Variants in SPMIP2 observed in about 807,000 individuals in gnomAD.
SPMIP2 encodes the protein protein SPMIP2.
the SPMIP2 span, among the ~76,000 whole-genome samples, chr4:159,008,790 A>G: frequency 6.6e-6 from 1 of 152,256 alleles, no homozygotes; most frequent in African/African-American, 2.4e-5. Flanking sequence ...TGTCTTTTAA[A>G]TCCAAGAATA....
At chr4:159,052,352 T>C in the SPMIP2 span, among the ~76,000 whole-genome samples, 1 of 151,810 alleles carries the variant, frequency 6.6e-6, no homozygotes, top group South Asian at 2.1e-4. Flanking sequence ...CCATGCTCCA[T>C]GAGTTAAGTA....
chr4:158,922,177 C>T, the SPMIP2 span, among the ~76,000 whole-genome samples: 5 of 152,236 alleles, frequency 3.3e-5, no homozygotes, highest in East Asian at 3.9e-4. Flanking sequence ...CGTGAGCCAC[C>T]GCGCCCAGCC....
At chr4:159,064,822 C>G in the SPMIP2 span, among the ~76,000 whole-genome samples, 1 of 152,108 alleles carries the variant, frequency 6.6e-6, no homozygotes. Context: ...CTGTCTTTCA[C>G]CTGTGAAGTT....
At chr4:159,002,602 T>C in the SPMIP2 span, among the ~76,000 whole-genome samples, 1 of 152,180 alleles carries the variant, frequency 6.6e-6, no homozygotes, top group Non-Finnish European at 1.5e-5. Flanking sequence ...GGTTTATACA[T>C]ATAGGTCCAT....
chr4:159,065,166 T>C, the SPMIP2 span, among the ~76,000 whole-genome samples: 1 of 152,262 alleles, frequency 6.6e-6, no homozygotes, highest in Non-Finnish European at 1.5e-5. Flanking sequence ...AGTTCCTCTC[T>C]ATGCAGATTT....
chr4:159,056,110 A>G, the SPMIP2 span, among the ~76,000 whole-genome samples: 1 of 152,096 alleles, frequency 6.6e-6, no homozygotes, highest in African/African-American at 2.4e-5. Context: ...GGTATGTTGT[A>G]TTTCATTTGA....
the SPMIP2 span, among the ~76,000 whole-genome samples, chr4:159,032,781 CTT>C: frequency 1.1e-4 from 15 of 140,472 alleles, no homozygotes; most frequent in Non-Finnish European, 1.4e-4. Context: ...AATGACCTTT[CTT>C]TTTTTTTTTT....
At chr4:159,029,193 A>G in the SPMIP2 span, among the ~76,000 whole-genome samples, 1 of 152,258 alleles carries the variant, frequency 6.6e-6, no homozygotes, top group Non-Finnish European at 1.5e-5. Flanking sequence ...TAGCCAGCAG[A>G]TAAATGTTTT....
chr4:158,935,189 A>C, the SPMIP2 span, among the ~76,000 whole-genome samples: 1 of 152,188 alleles, frequency 6.6e-6, no homozygotes, highest in Admixed American at 6.5e-5. Flanking sequence ...TTAAGACATC[A>C]TGATGGTTCA....
chr4:158,982,931 T>C, the SPMIP2 span, among the ~76,000 whole-genome samples: 4 of 152,170 alleles, frequency 2.6e-5, no homozygotes, highest in African/African-American at 9.6e-5. Flanking sequence ...TAGATGAATG[T>C]ATAACTAAAA....
At chr4:158,954,504 C>T in the SPMIP2 span, among the ~76,000 whole-genome samples, 4 of 152,142 alleles carry the variant, frequency 2.6e-5, no homozygotes. Context: ...GAACACTGTC[C>T]CTTTCCAAAC....
the SPMIP2 span, chr4:158,915,232 T>C: frequency 1.2e-6 from 2 of 1,613,768 alleles, no homozygotes; most frequent in Non-Finnish European, 1.7e-6. Context: ...AATGATGACT[T>C]ACACTGCCTA....
At chr4:158,925,362 A>G in the SPMIP2 span, among the ~76,000 whole-genome samples, 7 of 152,154 alleles carry the variant, frequency 4.6e-5, no homozygotes, top group African/African-American at 1.2e-4. Context: ...TCTTATTTCT[A>G]TAAGATCAGT....
the SPMIP2 span, among the ~76,000 whole-genome samples, chr4:159,004,829 T>C: frequency 6.6e-6 from 1 of 152,142 alleles, no homozygotes; most frequent in East Asian, 1.9e-4. Context: ...TTATATGACC[T>C]GGTATTAAAG....
the SPMIP2 span, among the ~76,000 whole-genome samples, chr4:159,053,117 C>T: frequency 8.7e-5 from 13 of 149,046 alleles, no homozygotes; most frequent in African/African-American, 2.7e-4. Flanking sequence ...CCACTACGCC[C>T]GGCTAATTTT....
chr4:158,998,977 T>C, the SPMIP2 span, among the ~76,000 whole-genome samples: 3 of 151,934 alleles, frequency 2.0e-5, no homozygotes, highest in African/African-American at 7.3e-5. Flanking sequence ...CTGAGAAACA[T>C]AGTGAGCCCC....
chr4:159,039,130 T>G, the SPMIP2 span, among the ~76,000 whole-genome samples: 152,024 of 152,206 alleles, frequency 1, 75,921 homozygotes, highest in East Asian at 1. Context: ...CAGGAGATGG[T>G]GTCTCACCAT....
chr4:158,911,384 A>AAATAAATAAATAAATAAATAAAAT, the SPMIP2 span, among the ~76,000 whole-genome samples: 1 of 79,212 alleles, frequency 1.3e-5, no homozygotes, highest in Non-Finnish European at 2.6e-5. Flanking sequence ...ATAAATAAAT[A>AAATAAATAAATAAATAAATAAAAT]AAATAAATAA....
At chr4:159,052,957 T>TATTA in the SPMIP2 span, among the ~76,000 whole-genome samples, 65 of 103,878 alleles carry the variant, frequency 6.3e-4, no homozygotes, top group East Asian at 2.7e-3. Context: ...TTATTATTAT[T>TATTA]TTTTTTTTTT....
Sources: gnomAD v4.1 joint callset for allele counts (sites outside exome capture counted in the v4.1 genomes callset) on GRCh38, gnomAD v4.1.1 for gene constraint, MANE v1.5 for transcripts, NCBI Gene and HGNC (gene_info 2026-07-23, HGNC 2026-07-21) for gene names.